FHOD3: variants seen among roughly 807,000 people sequenced by gnomAD.
The protein encoded by FHOD3 is FH1/FH2 domain-containing protein 3.
A neutral mutation model predicts 173.0 loss-of-function variants in FHOD3; 90 were observed. The ratio of observed to expected loss-of-function variants is 0.52; its 90% confidence interval spans 0.44 to 0.62. The LOEUF is 0.62. Ranked by LOEUF, FHOD3 falls within the 20% of genes least tolerant of loss-of-function variation. FHOD3 has a pLI of 0.00. For missense variants in FHOD3, 1,945 were observed against 2,034.7 expected (o/e 0.96, Z 0.85); for synonymous variants, 828 against 823.0 (o/e 1.01, Z -0.10).
chr18:36,771,566 T>C (rs621834), intron 28 of FHOD3, among the ~76,000 whole-genome samples: 121,060 of 152,202 alleles, frequency 0.8, 48,937 homozygotes, highest in African/African-American at 0.93. Context: ...TTCCAAAAGA[T>C]TTTTTGAGGT....
At chr18:36,330,781 C>A (rs78980844) in intron 1 of FHOD3, among the ~76,000 whole-genome samples, 2,166 of 152,246 alleles carry the variant, frequency 0.014, 50 homozygotes, top group African/African-American at 0.048. Flanking sequence ...CTTGGGAAAC[C>A]ACATCAGGGT....
intron 3 of FHOD3, among the ~76,000 whole-genome samples, chr18:36,426,450 C>T (rs941846436): frequency 6.6e-6 from 1 of 152,020 alleles, no homozygotes; most frequent in Non-Finnish European, 1.5e-5. Flanking sequence ...CAGGAAGAAG[C>T]CATGGAGTTG....
chr18:36,395,865 A>G (rs566714710), intron 3 of FHOD3, among the ~76,000 whole-genome samples: 3 of 152,328 alleles, frequency 2.0e-5, no homozygotes, highest in South Asian at 4.1e-4. Flanking sequence ...TCAACTTCTA[A>G]GAGGTAATTT....
chr18:36,535,381 T>A (rs1051817794), intron 5 of FHOD3, among the ~76,000 whole-genome samples: 6 of 152,192 alleles, frequency 3.9e-5, no homozygotes, highest in Non-Finnish European at 7.3e-5. Flanking sequence ...CTTTCCCTGG[T>A]TCCTAGCGCT....
intron 4 of FHOD3, among the ~76,000 whole-genome samples, chr18:36,511,798 A>T (rs1392084917): frequency 1.3e-5 from 2 of 152,226 alleles, no homozygotes; most frequent in African/African-American, 4.8e-5. Flanking sequence ...AGTTTCTTCC[A>T]TGTCCTGCCT....
chr18:36,352,266 T>A (rs1437502041), intron 1 of FHOD3, among the ~76,000 whole-genome samples: 2 of 151,840 alleles, frequency 1.3e-5, no homozygotes, highest in Non-Finnish European at 2.9e-5. Context: ...GTAATAATAG[T>A]AAATAAAAAT....
intron 1 of FHOD3, among the ~76,000 whole-genome samples, chr18:36,348,633 G>T (rs1351950561): frequency 6.6e-6 from 1 of 152,152 alleles, no homozygotes; most frequent in Non-Finnish European, 1.5e-5. Context: ...TCCTGTGTGG[G>T]AGGGTCCTTG....
At chr18:36,426,060 A>G (rs2050226073) in intron 3 of FHOD3, among the ~76,000 whole-genome samples, 1 of 122,176 alleles carries the variant, frequency 8.2e-6, no homozygotes, top group Non-Finnish European at 1.7e-5. Flanking sequence ...GGCCACCACC[A>G]TGCCCGGCTA....
chr18:36,351,842 A>G (rs531631751), intron 1 of FHOD3, among the ~76,000 whole-genome samples: 33 of 152,354 alleles, frequency 2.2e-4, no homozygotes, highest in African/African-American at 7.7e-4. Context: ...TGGAAATGAT[A>G]TGCAAAATAG....
chr18:36,724,465 T>G (rs1324486954), intron 19 of FHOD3, among the ~76,000 whole-genome samples: 2 of 152,196 alleles, frequency 1.3e-5, no homozygotes, highest in African/African-American at 4.8e-5. Flanking sequence ...CAGTTGACAG[T>G]CGCTGCCTCC....
rs572070284 is a variant in FHOD3 at position 36,622,400 on chromosome 18, A to C, written c.958-3111A>C. On this transcript the variant is annotated intron_variant, in intron 9 of 28. Coordinates refer to ENST00000590592, the MANE Select transcript of FHOD3 (RefSeq NM_001281740.3). ...AATGTTCAGATCATTCAGTGGCCTC[A>C]AAGACTGGTAGAAGTGGTTACAGAT... 2.6e-5 allele frequency among the ~76,000 whole-genome samples: 4 copies of C among 152,342 alleles called. No homozygotes were observed. The East Asian group carries it at 7.7e-4, about 29-fold the overall frequency.
At chr18:36,715,290 T>A (rs1208778809) in intron 18 of FHOD3, among the ~76,000 whole-genome samples, 1 of 152,244 alleles carries the variant, frequency 6.6e-6, no homozygotes, top group East Asian at 1.9e-4. Context: ...GATAGTTTTT[T>A]AAGGCGCTTC....
At chr18:36,616,542 G>A (rs117949069) in intron 9 of FHOD3, among the ~76,000 whole-genome samples, 3,997 of 152,132 alleles carry the variant, frequency 0.026, 67 homozygotes, top group Middle Eastern at 0.054. Flanking sequence ...TTCTTTTGTC[G>A]AATTACATGT....
chr18:36,707,273 A>AGG (rs151173048), intron 17 of FHOD3, among the ~76,000 whole-genome samples: 3,725 of 152,238 alleles, frequency 0.024, 160 homozygotes, highest in African/African-American at 0.085. Context: ...CCTCAGCTGC[A>AGG]GGGGGGTCTT....
Position 36,779,512 on chromosome 18 carries a change from C to T in FHOD3, c.4851C>T (p.Thr1617=). 1 of 1,614,140 alleles carries T rather than the reference C, an allele frequency of 6.2e-7. No homozygotes were observed. Among genetic ancestry groups the T allele is most frequent in the Non-Finnish European group, 8.5e-7 (1 of 1,180,026 alleles). ...EEARALGLVG[T]SELQL Reference sequence around the variant, plus strand: ...CCAGAGCCCTGGGCTTGGTTGGCACCTCGGAGTTGCAGCTGTGACACTCAT... The same window carrying T: ...CCAGAGCCCTGGGCTTGGTTGGCACTTCGGAGTTGCAGCTGTGACACTCAT... Residue 1617 remains threonine, a synonymous_variant, in exon 29 of 29, where the codon ACC becomes ACT. Transcript: ENST00000590592.
intron 1 of FHOD3, among the ~76,000 whole-genome samples, chr18:36,329,092 T>C (rs184390736): frequency 6.6e-6 from 1 of 152,228 alleles, no homozygotes; most frequent in Admixed American, 6.5e-5. Context: ...GAATCCCCCA[T>C]GTCTGCTGAT....
At chr18:36,392,095 C>CAG (rs2048329503) in intron 3 of FHOD3, among the ~76,000 whole-genome samples, 1 of 152,200 alleles carries the variant, frequency 6.6e-6, no homozygotes, top group African/African-American at 2.4e-5. Flanking sequence ...GGTTCATACC[C>CAG]TGGCACCACC....
chr18:36,755,955 G>A (rs2042617968), intron 25 of FHOD3, among the ~76,000 whole-genome samples: 1 of 152,030 alleles, frequency 6.6e-6, no homozygotes, highest in Non-Finnish European at 1.5e-5. Context: ...CCTGCTCCCG[G>A]GCTCTTTCCC....
chr18:36,531,719 A>C (rs985371272), intron 5 of FHOD3, among the ~76,000 whole-genome samples: 1 of 152,196 alleles, frequency 6.6e-6, no homozygotes, highest in Non-Finnish European at 1.5e-5. Flanking sequence ...AGTCTGAAAA[A>C]CTGTCTCCAA....
Sources: gnomAD v4.1 joint callset for allele counts (sites outside exome capture counted in the v4.1 genomes callset) on GRCh38, gnomAD v4.1.1 for gene constraint, MANE v1.5 for transcripts, NCBI Gene and HGNC (gene_info 2026-07-23, HGNC 2026-07-21) for gene names.